Variants in EFHC2 observed in about 807,000 individuals in gnomAD.
EFHC2 encodes EF-hand domain containing 2.
A neutral mutation model predicts 52.7 loss-of-function variants in EFHC2; 18 were observed. That is an observed-to-expected ratio of 0.34 (90% confidence interval 0.24 to 0.51). EFHC2 has a LOEUF of 0.51. Ranked by LOEUF, EFHC2 falls within the 20% of genes least tolerant of loss-of-function variation. EFHC2 has a pLI of 0.97. For missense variants in EFHC2, 513 were observed against 562.5 expected, an observed-to-expected ratio of 0.91 and a Z score of 0.89; for synonymous variants, 203 against 204.1, an observed-to-expected ratio of 0.99 and a Z score of 0.04.
At chrX:44,248,669 A>G (rs1193625786) in intron 6 of EFHC2, 134 bp downstream of exon 6, 8 of 537,937 alleles carry the variant, frequency 1.5e-5, no homozygotes, top group Non-Finnish European at 2.4e-5. Flanking sequence ...GATAAATAGC[A>G]GTACAATGCA....
intron 1 of EFHC2, among the ~76,000 whole-genome samples, chrX:44,339,095 G>A (rs958186309): frequency 9.0e-6 from 1 of 110,726 alleles, no homozygotes; most frequent in African/African-American, 3.3e-5. Context: ...GGAGGCTGAG[G>A]CAGGAGAATC....
chrX:44,212,510 G>T (rs1198048853), intron 11 of EFHC2, among the ~76,000 whole-genome samples: 2 of 110,038 alleles, frequency 1.8e-5, no homozygotes, highest in Non-Finnish European at 3.8e-5. Context: ...AGGGAAATAC[G>T]TGACTCCAGT....
intron 2 of EFHC2, among the ~76,000 whole-genome samples, chrX:44,297,520 TCCAGACCAG>T (rs1385524395): frequency 2.7e-5 from 3 of 109,275 alleles, no homozygotes; most frequent in African/African-American, 1.0e-4. Flanking sequence ...AGTCAGGAGT[TCCAGACCAG>T]CCTGACCAAC....
At chrX:44,314,845 G>A (rs570147003) in intron 1 of EFHC2, among the ~76,000 whole-genome samples, 15 of 111,519 alleles carry the variant, frequency 1.3e-4, no homozygotes, top group African/African-American at 4.9e-4. Context: ...TCCTAACTTT[G>A]TGCCAAATAT....
At chrX:44,291,913 AT>A (rs2037794553) in intron 2 of EFHC2, among the ~76,000 whole-genome samples, 1 of 112,167 alleles carries the variant, frequency 8.9e-6, no homozygotes, top group African/African-American at 3.2e-5. Context: ...TGCGCAAGCA[AT>A]TAAAAAACAC....
chrX:44,243,574 C>A (rs1328226053), intron 7 of EFHC2, among the ~76,000 whole-genome samples: 1 of 111,993 alleles, frequency 8.9e-6, no homozygotes, highest in Non-Finnish European at 1.9e-5. Context: ...ACTTCTAACT[C>A]TTGTTGAAAA....
At chrX:44,334,316 C>A (rs1013713371) in intron 1 of EFHC2, among the ~76,000 whole-genome samples, 3 of 112,033 alleles carry the variant, frequency 2.7e-5, no homozygotes, top group African/African-American at 9.7e-5. Context: ...GCGGCCCAAT[C>A]TGAAATAATG....
intron 11 of EFHC2, among the ~76,000 whole-genome samples, chrX:44,209,179 T>C (rs138049664): frequency 1.2e-3 from 128 of 110,025 alleles, no homozygotes; most frequent in Admixed American, 3.2e-3. Context: ...GAGAAGAATA[T>C]CTTCATATAT....
chrX:44,176,005 C>T (rs1569276815), intron 13 of EFHC2, among the ~76,000 whole-genome samples: 1 of 112,256 alleles, frequency 8.9e-6, no homozygotes, highest in Admixed American at 9.4e-5. Flanking sequence ...TAATGTCCTC[C>T]TAACCAACAA....
chrX:44,168,531 C>CAAAAGA (rs2036717532), intron 13 of EFHC2, among the ~76,000 whole-genome samples: 1 of 90,439 alleles, frequency 1.1e-5, no homozygotes, highest in African/African-American at 4.4e-5. Context: ...GACTCCGTCT[C>CAAAAGA]AAAAGAAAAA....
Position 44,235,312 on chromosome X carries a change from C to A in EFHC2, c.1416G>T (p.Arg472Ser). The A allele has an allele frequency of 8.6e-7, 1 of 1,167,231 alleles. No homozygotes were observed. The highest frequency in any genetic ancestry group is 2.0e-5 in the South Asian group (1 of 49,146). The stretch of plus-strand genomic sequence containing the variant: ...GAAGAGTATATCTCTTACCTGAATT[C>A]CTCTCTATAGGTTCAAACACTGAAA... ...DTISVFEPIE[R>S]NSGIAGGMFL... is the part of the protein sequence containing the mutation. The change falls in exon 9 of 15, where the codon AGG (arginine) becomes AGT (serine). Residue 472 changes from arginine (R) to serine (S), a missense_variant. Physicochemically the swap from Arg to Ser is moderately radical, Grantham distance 110. Transcript: ENST00000420999.
chrX:44,194,605 A>C (rs1296315066), intron 11 of EFHC2, among the ~76,000 whole-genome samples: 1 of 112,145 alleles, frequency 8.9e-6, no homozygotes, highest in Admixed American at 9.5e-5. Context: ...GGTGGCTCTA[A>C]ATCAAAAAAT....
intron 8 of EFHC2, among the ~76,000 whole-genome samples, chrX:44,239,383 C>G (rs2037343921): frequency 8.9e-6 from 1 of 112,135 alleles, no homozygotes; most frequent in Non-Finnish European, 1.9e-5. Flanking sequence ...AACTATTGAT[C>G]CCCAAATATA....
chrX:44,310,626 T>C (rs1483729803), intron 2 of EFHC2: 1 of 249,230 alleles, frequency 4.0e-6, no homozygotes, highest in Non-Finnish European at 7.2e-6. Flanking sequence ...TATAATTTGC[T>C]TGGGGTATTA....
intron 1 of EFHC2, among the ~76,000 whole-genome samples, chrX:44,338,700 C>A (rs1222681491): frequency 2.1e-5 from 2 of 95,893 alleles, no homozygotes; most frequent in Non-Finnish European, 4.1e-5. Context: ...CATTCTACCC[C>A]ACTCTCTTCT....
chrX:44,202,523 T>C (rs1347976999), intron 11 of EFHC2, among the ~76,000 whole-genome samples: 1 of 112,162 alleles, frequency 8.9e-6, no homozygotes, highest in African/African-American at 3.2e-5. Context: ...AACTATAAAG[T>C]ATTATAAAAC....
intron 13 of EFHC2, among the ~76,000 whole-genome samples, chrX:44,174,651 A>AGGG (rs370737090): frequency 5.3e-5 from 3 of 56,944 alleles, no homozygotes; most frequent in Admixed American, 2.2e-4. Context: ...CAAAAAAAAA[A>AGGG]GGGGGGGGGA....
At chrX:44,326,862 G>A (rs764806362) in intron 1 of EFHC2, among the ~76,000 whole-genome samples, 1 of 107,320 alleles carries the variant, frequency 9.3e-6, no homozygotes, top group Non-Finnish European at 1.9e-5. Context: ...CTGAGTAGCT[G>A]AGACTACAGG....
At chrX:44,233,013 A>C (rs2037291720) in intron 9 of EFHC2, among the ~76,000 whole-genome samples, 2 of 111,445 alleles carry the variant, frequency 1.8e-5, no homozygotes, top group South Asian at 7.5e-4. Context: ...AAAAAAACAA[A>C]AAAAAGAAAA....
Sources: gnomAD v4.1 joint callset for allele counts (sites outside exome capture counted in the v4.1 genomes callset) on GRCh38, gnomAD v4.1.1 for gene constraint, MANE v1.5 for transcripts, NCBI Gene and HGNC (gene_info 2026-07-23, HGNC 2026-07-21) for gene names.